The following CACNA2D4 variants were observed in gnomAD, a reference collection of about 807,000 sequenced individuals.
CACNA2D4 encodes the protein voltage-dependent calcium channel subunit alpha-2/delta-4.
In CACNA2D4, 157 loss-of-function variants were observed where a neutral mutation model predicts 163.8. That is an observed-to-expected ratio of 0.96 (90% CI 0.84 to 1.09). The LOEUF (loss-of-function observed/expected upper bound fraction) is 1.09, where lower values mean the gene tolerates loss of function less well. Among genes scored for constraint, CACNA2D4 ranks in the 50% least tolerant of loss-of-function variants. CACNA2D4 has a pLI of 0.00. For synonymous variants in CACNA2D4, 598 were observed against 586.9 expected (o/e 1.02, Z -0.27); for missense variants, 1,410 against 1,479.9 (o/e 0.95, Z 0.78).
intron 18 of CACNA2D4, among the ~76,000 whole-genome samples, chr12:1,872,958 A>G (rs1052173568): frequency 1.2e-4 from 18 of 152,208 alleles, no homozygotes; most frequent in African/African-American, 3.9e-4. Context: ...AAGGCCTTCT[A>G]GAGCAGTGGT....
intron 37 of CACNA2D4, among the ~76,000 whole-genome samples, chr12:1,794,803 G>A (rs1324469968): frequency 6.6e-6 from 1 of 152,132 alleles, no homozygotes; most frequent in East Asian, 1.9e-4. Flanking sequence ...TAAATCTTTG[G>A]CCACTGGTGA....
In CACNA2D4 at chr12:1,887,016, G is replaced by A. The variant is rs1244697421; in HGVS notation, c.835C>T (p.Arg279Cys). 3.1e-6 allele frequency: 5 copies of A among 1,587,872 alleles called. No individual in the cohort carries two copies. Among genetic ancestry groups the A allele is most frequent in the Non-Finnish European group, 4.3e-6 (5 of 1,162,354 alleles). ...TCCCCTGTGAGCTCTTACCAGCCGCGGTTTCGGCAGTCAAAAGTAATGACT... is the reference window on the plus strand; with the variant it reads ...TCCCCTGTGAGCTCTTACCAGCCGCAGTTTCGGCAGTCAAAAGTAATGACT... ...NGVITFDCRN[R>C]GWYIQAATSP... Residue 279 changes from arginine to cysteine, a missense_variant, in exon 7 of 38, where the codon CGC (arginine) becomes TGC (cysteine). By Grantham distance (180) the Arg-to-Cys change is radical. Coordinates refer to ENST00000382722, the MANE Select transcript of CACNA2D4 (RefSeq NM_172364.5).
rs36077411 is a variant in CACNA2D4, at chr12:1,811,687, C to T, written c.2588G>A (p.Arg863His). ...GVQMKLEFLQ[R>H]KFWAATRQCS... ...CTGCCGCGTTGCCGCCCAGAATTTG[C>T]GCTGGAGGAATTCCAGCTTCATTTG... The change falls in exon 27 of 38, where the codon CGC becomes CAC. Residue 863 changes from arginine (R) to histidine (H), a missense_variant. Coordinates refer to ENST00000382722, the MANE Select transcript of CACNA2D4 (RefSeq NM_172364.5). 1.1e-3 allele frequency: 1,755 copies of T among 1,560,310 alleles called. 19 individuals carry two copies. The African/African-American group carries it at 0.021, about 18-fold the overall frequency.
intron 16 of CACNA2D4, among the ~76,000 whole-genome samples, chr12:1,877,547 G>A (rs1024409998): frequency 4.6e-5 from 7 of 152,180 alleles, no homozygotes; most frequent in African/African-American, 1.7e-4. Context: ...TGAACCAAAT[G>A]GAATGAATGG....
rs772642356 is a variant in CACNA2D4, at chr12:1,795,336, C to A, written c.3272G>T (p.Arg1091Leu). 1 of 1,612,682 alleles carries A rather than the reference C, an allele frequency of 6.2e-7. No homozygotes were observed. The highest frequency in any genetic ancestry group is 8.5e-7 in the Non-Finnish European group (1 of 1,179,880). ...KCDRMRSQKL[R>L]RRPDSCHAFH... is the part of the protein sequence containing the mutation. The stretch of plus-strand genomic sequence containing the variant: ...GGCGTGGCAGGAGTCTGGTCGCCGG[C>A]GGAGCTTCTGGGAGCGCATCCGGTC... Residue 1091 changes from arginine (R) to leucine (L), a missense_variant, in exon 37 of 38, where the codon CGC becomes CTC. Arg to Leu is a moderately radical substitution (Grantham distance 102). Coordinates refer to ENST00000382722, the MANE Select transcript of CACNA2D4 (RefSeq NM_172364.5).
chr12:1,793,589 G>A lies in CACNA2D4; in HGVS notation c.*66C>T, dbSNP rs984326588. On this transcript the variant is annotated 3_prime_UTR_variant, in exon 38 of 38. Transcript: ENST00000382722. ...CTGCAGTTAGCTGCATCCCATGTCA[G>A]TGCTGACTTTTTGGGATGGCTCTGG... 7.1e-7 allele frequency: 1 copy of A among 1,414,956 alleles called. No homozygotes were observed. Among genetic ancestry groups the A allele is most frequent in the Non-Finnish European group, 1.0e-6 (1 of 1,000,064 alleles). 87.7% of individuals were successfully genotyped at this position (1,414,956 alleles called of 1,614,324 possible).
chr12:1,893,848 T>G (rs564536562), intron 6 of CACNA2D4, among the ~76,000 whole-genome samples: 1 of 151,706 alleles, frequency 6.6e-6, no homozygotes, highest in Non-Finnish European at 1.5e-5. Context: ...CTCAAGGAAA[T>G]ATAAAAGCAA....
chr12:1,851,683 T>TGTGCG (rs1865286468), intron 23 of CACNA2D4, among the ~76,000 whole-genome samples: 1 of 19,538 alleles, frequency 5.1e-5, no homozygotes, highest in Non-Finnish European at 2.3e-4. Flanking sequence ...GTGTGCGTTT[T>TGTGCG]TTTTTTTTTT....
At chr12:1,909,697 C>A (rs1177881884) in intron 4 of CACNA2D4, among the ~76,000 whole-genome samples, 1 of 152,228 alleles carries the variant, frequency 6.6e-6, no homozygotes, top group African/African-American at 2.4e-5. Context: ...GTGCTTTATA[C>A]CGGAGTTATT....
intron 29 of CACNA2D4, among the ~76,000 whole-genome samples, chr12:1,808,764 A>C (rs2154445755): frequency 6.6e-6 from 1 of 152,318 alleles, no homozygotes; most frequent in South Asian, 2.1e-4. Flanking sequence ...CGGAGCACGA[A>C]TGAGGGGGCA....
At chr12:1,850,291 A>G (rs1410886225) in intron 23 of CACNA2D4, among the ~76,000 whole-genome samples, 1 of 152,228 alleles carries the variant, frequency 6.6e-6, no homozygotes, top group East Asian at 1.9e-4. Context: ...ATCTGGGCAT[A>G]GTTGTCATTT....
chr12:1,895,446 C>G (rs1318066109), intron 6 of CACNA2D4, among the ~76,000 whole-genome samples: 1 of 151,854 alleles, frequency 6.6e-6, no homozygotes, highest in African/African-American at 2.4e-5. Flanking sequence ...AAAACATAAA[C>G]AAAAACAAAA....
intron 3 of CACNA2D4, among the ~76,000 whole-genome samples, chr12:1,910,251 G>C (rs1866780966): frequency 6.6e-6 from 1 of 152,260 alleles, no homozygotes. Flanking sequence ...CAAGACTAGG[G>C]AGATAGAGAA....
intron 23 of CACNA2D4, among the ~76,000 whole-genome samples, chr12:1,847,940 G>T (rs959766679): frequency 6.6e-6 from 1 of 152,146 alleles, no homozygotes; most frequent in Non-Finnish European, 1.5e-5. Context: ...AGATAATCCA[G>T]TCGCCTCGCG....
At chr12:1,865,742 A>G (rs10848583) in intron 18 of CACNA2D4, among the ~76,000 whole-genome samples, 119,867 of 152,188 alleles carry the variant, frequency 0.79, 47,932 homozygotes, top group Non-Finnish European at 0.85. Context: ...TGTGTGGGGA[A>G]CCGGGGCGCG....
chr12:1,851,345 T>TGAGTC (rs1865274607), intron 23 of CACNA2D4, among the ~76,000 whole-genome samples: 1 of 152,264 alleles, frequency 6.6e-6, no homozygotes, highest in Non-Finnish European at 1.5e-5. Flanking sequence ...TTTGAATCTC[T>TGAGTC]GAGTCATTTG....
chr12:1,800,133 GC>G, intron 32 of CACNA2D4, 81 bp from the exon 33 acceptor site: 2 of 1,375,140 alleles, frequency 1.5e-6, no homozygotes, highest in Non-Finnish European at 1.0e-6. Context: ...ATCCCTGACA[GC>G]CCCCGGCCCA....
chr12:1,908,170 C>A lies in CACNA2D4; in HGVS notation c.487-133G>T, dbSNP rs115498353. The A allele has an allele frequency of 1.6e-5, 14 of 888,130 alleles. No individual in the cohort carries two copies. The African/African-American group carries it at 2.2e-4, about 14-fold the overall frequency. The allele number at this position is 888,130 out of a possible 1,614,324, so 55.0% of individuals were successfully genotyped here. On this transcript the variant is annotated intron_variant, in intron 4 of 37. Transcript: ENST00000382722. ...GGCCATCAGAGTCTACACAAGCACC[C>A]GCGGCGGCGCGCTGGGCACTGATCA...
intron 26 of CACNA2D4, among the ~76,000 whole-genome samples, chr12:1,819,434 G>T (rs150735589): frequency 0.011 from 1,623 of 152,140 alleles, 31 homozygotes; most frequent in African/African-American, 0.037. Context: ...GAGTCCAGGG[G>T]GTTCTTCTAC....
Sources: allele counts gnomAD v4.1 joint callset (sites outside exome capture counted in the v4.1 genomes callset), GRCh38; gene constraint gnomAD v4.1.1; transcripts MANE v1.5; gene names NCBI Gene and HGNC (gene_info 2026-07-23, HGNC 2026-07-21).